The following KLB variants were observed in gnomAD, a reference collection of about 807,000 sequenced individuals.
KLB encodes beta-klotho.
A neutral mutation model predicts 88.4 loss-of-function variants in KLB; 44 were observed. The observed-to-expected ratio is 0.50, with a 90% confidence interval of 0.39 to 0.64. The LOEUF is 0.64. Among genes scored for constraint, KLB ranks in the 30% least tolerant of loss-of-function variants. The pLI is 0.00. For missense variants in KLB, 1,137 were observed against 1,304.8 expected, an observed-to-expected ratio of 0.87 and a Z score of 1.98; for synonymous variants, 548 against 513.4, an observed-to-expected ratio of 1.07 and a Z score of -0.91.
intron 1 of KLB, among the ~76,000 whole-genome samples, chr4:39,420,890 A>C (rs201913256): frequency 1.4e-5 from 1 of 69,174 alleles, no homozygotes; most frequent in Non-Finnish European, 3.9e-5. Context: ...CATTGTTAAA[A>C]ATAAAGGTTC....
intron 3 of KLB, among the ~76,000 whole-genome samples, chr4:39,443,520 G>C (rs951157756): frequency 6.7e-6 from 1 of 150,024 alleles, no homozygotes. Context: ...CGAGGCGGGC[G>C]TATCACTTGA....
intron 1 of KLB, among the ~76,000 whole-genome samples, chr4:39,416,626 GA>G (rs1000000284): frequency 9.2e-5 from 14 of 152,020 alleles, no homozygotes; most frequent in Non-Finnish European, 2.9e-5. Context: ...TACAAAAAAT[GA>G]AAATAAAAAT....
At chr4:39,441,793 A>C (rs1177669575) in intron 3 of KLB, 1 of 151,446 alleles carries the variant, frequency 6.6e-6, no homozygotes, top group East Asian at 1.9e-4. Context: ...TAAATAAATA[A>C]ATAAATAAAT....
intron 1 of KLB, among the ~76,000 whole-genome samples, chr4:39,423,317 A>C (rs1235763595): frequency 6.6e-6 from 1 of 151,900 alleles, no homozygotes; most frequent in Non-Finnish European, 1.5e-5. Context: ...CAGGTCCTCC[A>C]TGACCTCTCT....
intron 1 of KLB, 67 bp downstream of exon 1, chr4:39,407,841 C>A: frequency 1.1e-6 from 1 of 943,368 alleles, no homozygotes; most frequent in Non-Finnish European, 1.5e-6. Flanking sequence ...TTACCTTCTG[C>A]CTCAGTAATT....
In KLB at chr4:39,447,413, C is replaced by A. The variant is rs780448652; in HGVS notation, c.2687C>A (p.Ala896Asp). 1.2e-6 allele frequency: 2 copies of A among 1,612,434 alleles called. No homozygotes were observed. Among genetic ancestry groups the A allele is most frequent in the Admixed American group, 3.3e-5 (2 of 59,888 alleles). The change falls in exon 4 of 5, where the codon GCT becomes GAT. Residue 896 changes from alanine to aspartate, a missense_variant. Ala to Asp is a moderately radical substitution (Grantham distance 126). Coordinates refer to ENST00000257408, the MANE Select transcript of KLB (RefSeq NM_175737.4). ...YITASGIDDQALEDDRLRKYY... is the reference protein window; with the variant it reads ...YITASGIDDQDLEDDRLRKYY... ...ACCGCCAGTGGCATCGACGACCAGG[C>A]TCTGGAGGATGACCGGCTCCGGAAG...
intron 3 of KLB, among the ~76,000 whole-genome samples, chr4:39,442,880 C>T (rs1180956008): frequency 2.0e-5 from 3 of 152,168 alleles, no homozygotes; most frequent in Admixed American, 6.5e-5. Context: ...ATCTAAAATA[C>T]AATCCATATT....
chr4:39,448,454 C>G lies in KLB; in HGVS notation c.2903C>G (p.Pro968Arg), dbSNP rs1344089456. 1.2e-5 allele frequency: 19 copies of G among 1,614,036 alleles called. No homozygotes were observed. Among genetic ancestry groups the G allele is most frequent in the Non-Finnish European group, 1.6e-5 (19 of 1,180,002 alleles). Reference sequence around the variant, plus strand: ...AAAGTGATCAGCAGCAGGGGCTTCCCTTTTGAGAACAGTAGTTCTAGATGC... The same window carrying G: ...AAAGTGATCAGCAGCAGGGGCTTCCGTTTTGAGAACAGTAGTTCTAGATGC... ...YNKVISSRGFPFENSSSRCSQ... is the reference protein window; with the variant it reads ...YNKVISSRGFRFENSSSRCSQ... Residue 968 changes from proline (P) to arginine (R), a missense_variant, in exon 5 of 5, where the codon CCT (proline) becomes CGT (arginine). Physicochemically the swap from Pro to Arg is moderately radical, Grantham distance 103. Around this residue, in one of 4 missense-constraint regions of KLB, gnomAD observed 426 missense variants for 404.6 expected, o/e 1.05. Transcript: ENST00000257408.
intron 1 of KLB, among the ~76,000 whole-genome samples, chr4:39,409,219 T>C (rs1742788628): frequency 6.6e-6 from 1 of 152,006 alleles, no homozygotes; most frequent in Non-Finnish European, 1.5e-5. Context: ...AGAAATTGTA[T>C]AGGTATTTAA....
At chr4:39,431,526 C>G (rs886338728) in intron 1 of KLB, among the ~76,000 whole-genome samples, 1 of 152,164 alleles carries the variant, frequency 6.6e-6, no homozygotes, top group Non-Finnish European at 1.5e-5. Context: ...GCTGGGATTA[C>G]AGGCATGAGC....
intron 2 of KLB, among the ~76,000 whole-genome samples, chr4:39,435,607 G>A (rs1743457255): frequency 6.6e-6 from 1 of 151,440 alleles, no homozygotes; most frequent in Non-Finnish European, 1.5e-5. Flanking sequence ...TGTATTTTTA[G>A]TAGAGACGGG....
In KLB at chr4:39,451,278, C is replaced by T. The variant is rs1743891855; in HGVS notation, c.*2592C>T. 1 of 152,140 alleles carries T rather than the reference C, an allele frequency of 6.6e-6. No individual in the cohort carries two copies. Among genetic ancestry groups the T allele is most frequent in the Non-Finnish European group, 1.5e-5 (1 of 68,026 alleles). 9.4% of individuals were successfully genotyped at this position (152,140 alleles called of 1,614,324 possible). On this transcript the variant is annotated 3_prime_UTR_variant, in exon 5 of 5. Transcript: ENST00000257408. Reference sequence around the variant, plus strand: ...GGTTTATCATAAACTCCTTAAAAACCATCAAAGGTCAACCAGAAACTGATA... The same window carrying T: ...GGTTTATCATAAACTCCTTAAAAACTATCAAAGGTCAACCAGAAACTGATA...
chr4:39,413,307 T>C (rs1742894722), intron 1 of KLB, among the ~76,000 whole-genome samples: 2 of 152,212 alleles, frequency 1.3e-5, no homozygotes, highest in Admixed American at 6.5e-5. Context: ...AATTTGTACA[T>C]TTCCCTTTTA....
chr4:39,409,649 C>T (rs185709412), intron 1 of KLB, among the ~76,000 whole-genome samples: 2 of 151,510 alleles, frequency 1.3e-5, no homozygotes, highest in South Asian at 2.1e-4. Context: ...CAGATTGGGC[C>T]GGGCACAGTG....
At chr4:39,424,596 T>C (rs1743158335) in intron 1 of KLB, among the ~76,000 whole-genome samples, 1 of 151,672 alleles carries the variant, frequency 6.6e-6, no homozygotes, top group Non-Finnish European at 1.5e-5. Context: ...CTTGTTTTTA[T>C]TATTATAATA....
chr4:39,437,767 C>T lies in KLB; in HGVS notation c.1377C>T (p.Ala459=), dbSNP rs150141472. The change falls in exon 3 of 5, where the codon GCC becomes GCT. Residue 459 remains alanine (A), a synonymous_variant. Transcript: ENST00000257408. ...AAATACGAGTGTTTGGTTATACTGC[C>T]TGGTCTCTCCTGGATGGCTTTGAAT... ...LDEIRVFGYT[A]WSLLDGFEWQ... The T allele has an allele frequency of 6.2e-7, 1 of 1,613,904 alleles. No individual in the cohort carries two copies. The highest frequency in any genetic ancestry group is 1.3e-5 in the African/African-American group (1 of 75,032).
At chr4:39,419,668 C>T (rs1011059545) in intron 1 of KLB, among the ~76,000 whole-genome samples, 5 of 149,524 alleles carry the variant, frequency 3.3e-5, no homozygotes, top group African/African-American at 5.0e-5. Flanking sequence ...CCCAGCTACT[C>T]GGGAGGCTGA....
chr4:39,440,543 A>G (rs1285723358), intron 3 of KLB, among the ~76,000 whole-genome samples: 1 of 152,174 alleles, frequency 6.6e-6, no homozygotes, highest in Non-Finnish European at 1.5e-5. Context: ...CAAAGTTCTC[A>G]GGTTATGAAT....
intron 1 of KLB, among the ~76,000 whole-genome samples, chr4:39,408,780 C>T (rs940164755): frequency 6.6e-6 from 1 of 151,832 alleles, no homozygotes; most frequent in Non-Finnish European, 1.5e-5. Flanking sequence ...AGGCTAATAT[C>T]TAGAATCGAA....
Sources: gnomAD v4.1 joint callset for allele counts (sites outside exome capture counted in the v4.1 genomes callset) on GRCh38, gnomAD v4.1.1 for gene constraint, gnomAD v4.1.1 regional missense constraint, MANE v1.5 for transcripts, NCBI Gene and HGNC (gene_info 2026-07-23, HGNC 2026-07-21) for gene names.